CMIP: variants seen among roughly 807,000 people sequenced by gnomAD.
The protein encoded by CMIP is C-Maf-inducing protein.
A neutral mutation model predicts 97.3 loss-of-function variants in CMIP; 13 were observed. That is an observed-to-expected ratio of 0.13 (90% CI 0.09 to 0.21). The LOEUF is 0.21. Among genes scored for constraint, CMIP ranks in the 10% least tolerant of loss-of-function variants. The probability of loss-of-function intolerance (pLI) is 1.00; values close to 1 mark genes in which losing one functional copy is unlikely to be tolerated. For missense variants in CMIP, 847 were observed against 1,024.9 expected (o/e 0.83, Z 2.37); for synonymous variants, 538 against 436.3 (o/e 1.23, Z -2.91).
chr16:81,691,458 C>G (rs193283466), intron 10 of CMIP, among the ~76,000 whole-genome samples: 1 of 152,136 alleles, frequency 6.6e-6, no homozygotes, highest in African/African-American at 2.4e-5. Flanking sequence ...CCTAAAACAC[C>G]CCCTAATGGT....
chr16:81,471,617 C>G lies in CMIP; in HGVS notation c.300+26076C>G, dbSNP rs145714729. 1.1e-4 allele frequency among the ~76,000 whole-genome samples: 16 copies of G among 152,270 alleles called. 1 individual carries two copies. Among genetic ancestry groups the G allele is most frequent in the African/African-American group, 3.6e-4 (15 of 41,554 alleles). Reference sequence around the variant, plus strand: ...CAGTTATACAGTAGTCCACTCTCATCCTTGGGGGATATGTGTCAAGATTCC... The same window carrying G: ...CAGTTATACAGTAGTCCACTCTCATGCTTGGGGGATATGTGTCAAGATTCC... On this transcript the variant is annotated intron_variant, in intron 1 of 20. Coordinates refer to ENST00000537098, the MANE Select transcript of CMIP (RefSeq NM_198390.3).
At chr16:81,704,220 C>T in intron 18 of CMIP, 135 bp downstream of exon 18, 1 of 519,934 alleles carries the variant, frequency 1.9e-6, no homozygotes. Flanking sequence ...CTGCCCCCTC[C>T]CCCTCCTCCC....
intron 1 of CMIP, among the ~76,000 whole-genome samples, chr16:81,503,912 G>A (rs749733987): frequency 3.9e-5 from 6 of 152,248 alleles, no homozygotes; most frequent in East Asian, 1.9e-4. Flanking sequence ...TAATGAGGGC[G>A]TGTTCACACC....
intron 14 of CMIP, 159 bp downstream of exon 14, chr16:81,696,826 G>C: frequency 1.5e-6 from 1 of 662,632 alleles, no homozygotes; most frequent in South Asian, 1.9e-5. Flanking sequence ...GGTGGTGATG[G>C]TGACCGTGAC....
chr16:81,549,796 C>T (rs931849131), intron 1 of CMIP, among the ~76,000 whole-genome samples: 1 of 152,232 alleles, frequency 6.6e-6, no homozygotes, highest in Admixed American at 6.5e-5. Flanking sequence ...CTGAAGGCAA[C>T]TGCGCGTTCT....
At chr16:81,601,131 C>A (rs1166672904) in intron 1 of CMIP, among the ~76,000 whole-genome samples, 3 of 152,214 alleles carry the variant, frequency 2.0e-5, no homozygotes, top group Non-Finnish European at 4.4e-5. Context: ...CAAACAGCTG[C>A]TGTTTTCAAC....
At chr16:81,702,499 C>G in intron 16 of CMIP, 123 bp from the exon 17 acceptor site, 1 of 995,040 alleles carries the variant, frequency 1.0e-6, no homozygotes, top group Admixed American at 2.0e-5. Flanking sequence ...ACCAAGACCA[C>G]CGTGTTGCCT....
chr16:81,499,637 T>A (rs1211170471), intron 1 of CMIP, among the ~76,000 whole-genome samples: 3 of 152,202 alleles, frequency 2.0e-5, no homozygotes. Flanking sequence ...GGGAATGTCC[T>A]TAGCAGACTG....
chr16:81,700,379 A>G (rs1243953682), intron 15 of CMIP: 1 of 154,714 alleles, frequency 6.5e-6, no homozygotes, highest in African/African-American at 2.4e-5. Flanking sequence ...CACGCTCCAA[A>G]GTCCCCAGAA....
chr16:81,461,146 G>C (rs1167595027), intron 1 of CMIP, among the ~76,000 whole-genome samples: 1 of 152,180 alleles, frequency 6.6e-6, no homozygotes, highest in African/African-American at 2.4e-5. Flanking sequence ...GTGTCTTGTT[G>C]AGTATGTGGG....
At position 81,557,979 on chromosome 16, in the gene CMIP, C is replaced by A. The variant is rs189755141; in HGVS notation, c.301-49588C>A. Among the ~76,000 whole-genome samples, 286 of 152,278 alleles carry A rather than the reference C, an allele frequency of 1.9e-3. 1 individual carries two copies. Among genetic ancestry groups the A allele is most frequent in the African/African-American group, 6.6e-3 (275 of 41,564 alleles). On this transcript the variant is annotated intron_variant, in intron 1 of 20. Transcript: ENST00000537098. Reference sequence around the variant, plus strand: ...CCCTCCCCGAGCCCCTGACACCTACCATTCTATGCTCTGTCTCTACGAATT... The same window carrying A: ...CCCTCCCCGAGCCCCTGACACCTACAATTCTATGCTCTGTCTCTACGAATT...
intron 1 of CMIP, among the ~76,000 whole-genome samples, chr16:81,590,823 T>C (rs913985290): frequency 3.9e-4 from 58 of 150,644 alleles, no homozygotes; most frequent in Non-Finnish European, 7.5e-4. Context: ...TCACTTTCTC[T>C]CATCCATCCA....
At chr16:81,647,457 A>T (rs1468203814) in intron 3 of CMIP, among the ~76,000 whole-genome samples, 3 of 152,142 alleles carry the variant, frequency 2.0e-5, no homozygotes, top group Non-Finnish European at 4.4e-5. Context: ...ATAGTTCACC[A>T]ACCCTGCTCT....
chr16:81,693,445 G>T lies in CMIP; in HGVS notation c.1488G>T (p.Leu496=), dbSNP rs1003066388. 6.2e-7 allele frequency: 1 copy of T among 1,612,350 alleles called. No homozygotes were observed. Among genetic ancestry groups the T allele is most frequent in the South Asian group, 1.1e-5 (1 of 90,726 alleles). The change falls in exon 13 of 21, where the codon CTG becomes CTT. Residue 496 remains leucine, a synonymous_variant. Transcript: ENST00000537098. The stretch of plus-strand genomic sequence containing the variant: ...GCCGCCTCGTCTCTTCCAGGGAACT[G>T]AAGTACGTGATTCAGAGGTTCGCCG... The part of the protein sequence containing the change: ...ALAHEKFTKE[L]KYVIQRFAED...
chr16:81,611,602 T>C (rs1463081098), intron 2 of CMIP, among the ~76,000 whole-genome samples: 2 of 152,060 alleles, frequency 1.3e-5, no homozygotes, highest in African/African-American at 4.8e-5. Flanking sequence ...CTCCTCTTTC[T>C]CTCTCTTTAG....
At chr16:81,603,096 T>G (rs534580364) in intron 1 of CMIP, among the ~76,000 whole-genome samples, 4 of 152,170 alleles carry the variant, frequency 2.6e-5, no homozygotes, top group Non-Finnish European at 5.9e-5. Flanking sequence ...TGTTTTGTTT[T>G]TGAGAAGGAG....
chr16:81,521,633 GC>G (rs1376547015), intron 1 of CMIP, among the ~76,000 whole-genome samples: 2 of 152,176 alleles, frequency 1.3e-5, no homozygotes, highest in East Asian at 3.9e-4. Context: ...TCTTCAAAAA[GC>G]CCCTCCCTGG....
chr16:81,675,428 A>G (rs143794607), intron 9 of CMIP, among the ~76,000 whole-genome samples: 2,915 of 143,752 alleles, frequency 0.02, 94 homozygotes, highest in East Asian at 0.13. Context: ...CATGTTGGCC[A>G]GGCTGGTCTC....
At chr16:81,672,286 C>T (rs1202595164) in intron 9 of CMIP, among the ~76,000 whole-genome samples, 1 of 152,322 alleles carries the variant, frequency 6.6e-6, no homozygotes, top group African/African-American at 2.4e-5. Context: ...GAATCAGCAC[C>T]GCAACTGCAA....
Sources: allele counts gnomAD v4.1 joint callset (sites outside exome capture counted in the v4.1 genomes callset), GRCh38; gene constraint gnomAD v4.1.1; transcripts MANE v1.5; gene names NCBI Gene and HGNC (gene_info 2026-07-23, HGNC 2026-07-21).